The following ATXN7L1 variants were observed in gnomAD, a reference collection of about 807,000 sequenced individuals.
ATXN7L1 encodes ataxin-7-like protein 1.
In ATXN7L1, 15 loss-of-function variants were observed where a neutral mutation model predicts 70.8. The observed-to-expected ratio is 0.21, with a 90% CI of 0.14 to 0.33. ATXN7L1 has a LOEUF of 0.33. ATXN7L1 is among the 10% of genes least tolerant of loss of function. The pLI is 1.00. For missense variants in ATXN7L1, 975 were observed against 1,097.1 expected, an observed-to-expected ratio of 0.89 and a Z score of 1.57; for synonymous variants, 440 against 445.1, an observed-to-expected ratio of 0.99 and a Z score of 0.14.
chr7:105,747,842 C>T (rs767960240), intron 3 of ATXN7L1, among the ~76,000 whole-genome samples: 6 of 151,658 alleles, frequency 4.0e-5, no homozygotes, highest in Non-Finnish European at 5.9e-5. Context: ...TTCTGTTGGC[C>T]GGGTGTGGTG....
intron 4 of ATXN7L1, among the ~76,000 whole-genome samples, chr7:105,647,989 A>G (rs763419446): frequency 1.3e-5 from 2 of 152,234 alleles, no homozygotes; most frequent in Non-Finnish European, 2.9e-5. Flanking sequence ...AGCCCATCAG[A>G]AACAGGAAAG....
chr7:105,874,896 G>A (rs989476180), intron 2 of ATXN7L1, among the ~76,000 whole-genome samples: 1 of 152,128 alleles, frequency 6.6e-6, no homozygotes, highest in African/African-American at 2.4e-5. Context: ...ACTTATGTCT[G>A]AACTCTTTCA....
At chr7:105,740,587 GAGTT>G (rs1797883712) in intron 3 of ATXN7L1, among the ~76,000 whole-genome samples, 1 of 152,010 alleles carries the variant, frequency 6.6e-6, no homozygotes, top group Admixed American at 6.6e-5. Context: ...ACTGATCCAA[GAGTT>G]AGTTAAAGAG....
Position 105,689,143 on chromosome 7 carries a change from G to C in ATXN7L1, c.356-23855C>G, listed in dbSNP as rs1013368293. Among the ~76,000 whole-genome samples, 3 of 152,052 alleles carry C rather than the reference G, an allele frequency of 2.0e-5. 1 individual carries two copies. In the South Asian group the frequency reaches 6.2e-4, roughly 32 times the overall value. On this transcript the variant is annotated intron_variant, in intron 3 of 11. Coordinates refer to ENST00000419735, the MANE Select transcript of ATXN7L1 (RefSeq NM_020725.2). ...CTTGGTCTTCCCGGAGTGTAGGGTG[G>C]ACAGAACCACTCCCCTGGGGCCAAG...
At position 105,614,793 on chromosome 7, in the gene ATXN7L1, C is replaced by T; in HGVS notation, c.1541G>A (p.Ser514Asn). ...GTGGGCTGCTGGCGAGGGCAGGGGG[C>T]TATCTGCCGCAGGAGGGATCTTCCT... ...MWKKIPPAAD[S>N]PLPSPAAHIT... The change falls in exon 10 of 12, where the codon AGC (serine) becomes AAC (asparagine). Residue 514 changes from serine (S) to asparagine (N), a missense_variant. By Grantham distance (46) the Ser-to-Asn change is conservative. Transcript: ENST00000419735. The surrounding 1 kb of genome is among the most constrained non-coding windows in gnomAD (Gnocchi z 4.3). 1 of 1,550,482 alleles carries T rather than the reference C, an allele frequency of 6.4e-7. No individual in the cohort carries two copies. The highest frequency in any genetic ancestry group is 8.7e-7 in the Non-Finnish European group (1 of 1,146,322).
rs539819151 is a variant in ATXN7L1 at position 105,727,679 on chromosome 7, A to AC, written c.355+60924_355+60925insG. 1.2e-3 allele frequency among the ~76,000 whole-genome samples: 167 copies of AC among 143,910 alleles called. 4 individuals are homozygous for AC. The highest frequency in any genetic ancestry group is 4.0e-3 in the African/African-American group (156 of 39,164). 94.4% of individuals were successfully genotyped at this position (143,910 alleles called of 152,430 possible). A position where few individuals can be genotyped will look rare whatever the true frequency, so the allele number is the denominator to read the frequency against. On this transcript the variant is annotated intron_variant, in intron 3 of 11. Transcript: ENST00000419735. ...AGTGAAACTTCATCTCAAAAAAAAA[A>AC]AAAAAGAAAAGAAAAACATACAGGA...
intron 3 of ATXN7L1, among the ~76,000 whole-genome samples, chr7:105,766,165 T>C (rs1005619297): frequency 2.0e-5 from 3 of 150,574 alleles, no homozygotes; most frequent in African/African-American, 7.3e-5. Context: ...TTTTGGCAAC[T>C]AGATCAGGAG....
At chr7:105,843,800 G>A (rs1027163268) in intron 2 of ATXN7L1, among the ~76,000 whole-genome samples, 6 of 152,226 alleles carry the variant, frequency 3.9e-5, no homozygotes, top group African/African-American at 1.4e-4. Context: ...AGAAAGCTAT[G>A]GCCCAGGGAT....
intron 4 of ATXN7L1, among the ~76,000 whole-genome samples, chr7:105,655,000 T>C (rs1800401498): frequency 6.6e-6 from 1 of 151,824 alleles, no homozygotes. Context: ...CGCTTCAGTC[T>C]CCCAAAGTGC....
At chr7:105,807,190 A>C (rs1807741671) in intron 2 of ATXN7L1, among the ~76,000 whole-genome samples, 1 of 152,162 alleles carries the variant, frequency 6.6e-6, no homozygotes, top group South Asian at 2.1e-4. Context: ...CACATGCCAC[A>C]CACCCTGCTC....
chr7:105,685,145 T>C (rs1032449429), intron 3 of ATXN7L1, among the ~76,000 whole-genome samples: 1 of 151,894 alleles, frequency 6.6e-6, no homozygotes, highest in African/African-American at 2.4e-5. Context: ...ATACAGACAT[T>C]AGAAAGCTGT....
chr7:105,875,918 A>T, intron 1 of ATXN7L1, 38 bp from the exon 2 acceptor site: 1 of 1,593,732 alleles, frequency 6.3e-7, no homozygotes, highest in Non-Finnish European at 8.6e-7. Context: ...GAAAATAAGG[A>T]AAAAAGGGGG....
chr7:105,788,318 C>T (rs1804623236), intron 3 of ATXN7L1: 1 of 342,266 alleles, frequency 2.9e-6, no homozygotes, highest in Admixed American at 3.9e-5. Flanking sequence ...CCCCTGGTCA[C>T]CTGCAGAGGC....
intron 4 of ATXN7L1, among the ~76,000 whole-genome samples, chr7:105,661,922 C>G (rs1423690116): frequency 6.6e-6 from 1 of 152,142 alleles, no homozygotes; most frequent in African/African-American, 2.4e-5. Flanking sequence ...GGTGAACATT[C>G]GAGTCTTTTC....
chr7:105,859,644 G>A (rs925902650), intron 2 of ATXN7L1, among the ~76,000 whole-genome samples: 7 of 152,006 alleles, frequency 4.6e-5, no homozygotes, highest in Admixed American at 1.3e-4. Flanking sequence ...ATACCAATGG[G>A]AATATCATAG....
Position 105,692,680 on chromosome 7 carries a change from C to T in ATXN7L1, c.356-27392G>A, listed in dbSNP as rs2116206646. On this transcript the variant is annotated intron_variant, in intron 3 of 11. Coordinates refer to ENST00000419735, the MANE Select transcript of ATXN7L1 (RefSeq NM_020725.2). ...CAGGCTGGTCTCGAACTCCTGACCT[C>T]AAGCGATCAACCCGTCTCAGCCTCC... Among the ~76,000 whole-genome samples the T allele has an allele frequency of 1.3e-5, 2 of 152,194 alleles. 1 individual carries two copies. The highest frequency in any genetic ancestry group is 4.2e-4 in the South Asian group (2 of 4,812).
intron 3 of ATXN7L1, chr7:105,761,065 A>G (rs1344696050): frequency 2.9e-6 from 2 of 694,376 alleles, no homozygotes; most frequent in Non-Finnish European, 3.7e-6. Flanking sequence ...AATGAATTGT[A>G]GAGGAGCAAG....
chr7:105,710,348 T>G (rs936970668), intron 3 of ATXN7L1, among the ~76,000 whole-genome samples: 2 of 151,230 alleles, frequency 1.3e-5, no homozygotes, highest in African/African-American at 4.9e-5. Context: ...AGCAAGCACG[T>G]CTTACTATGG....
chr7:105,835,608 G>C (rs922757326), intron 2 of ATXN7L1, among the ~76,000 whole-genome samples: 2 of 152,072 alleles, frequency 1.3e-5, no homozygotes, highest in Non-Finnish European at 2.9e-5. Context: ...CAGCGGAGAC[G>C]GACTCCTCAC....
Sources: gnomAD v4.1 joint callset for allele counts (sites outside exome capture counted in the v4.1 genomes callset) on GRCh38, gnomAD v4.1.1 for gene constraint, Gnocchi (gnomAD v3.1) non-coding constraint, MANE v1.5 for transcripts, NCBI Gene and HGNC (gene_info 2026-07-23, HGNC 2026-07-21) for gene names.